The following XIRP2 variants were observed in gnomAD, a reference collection of about 807,000 sequenced individuals.
The protein encoded by XIRP2 is xin actin binding repeat containing 2.
XIRP2 carries 236 observed loss-of-function variants against 277.0 expected under a neutral mutation model. The ratio of observed to expected loss-of-function variants is 0.85; its 90% CI spans 0.77 to 0.95. The LOEUF is 0.95. Ranked by LOEUF, XIRP2 falls within the 40% of genes least tolerant of loss-of-function variation. The probability of loss-of-function intolerance (pLI) is 0.00; values close to 1 mark genes in which losing one functional copy is unlikely to be tolerated. For missense variants in XIRP2, 4,640 were observed against 4,157.5 expected (o/e 1.12, Z -3.19); for synonymous variants, 1,490 against 1,416.5 (o/e 1.05, Z -1.17).
rs139117266 is a variant in XIRP2, at chr2:167,259,087, C to G, written c.*1270C>G. 93 of 1,610,952 alleles carry G rather than the reference C, an allele frequency of 5.8e-5. No homozygotes were observed. The African/African-American group carries it at 9.0e-4, about 16-fold the overall frequency. On this transcript the variant is annotated 3_prime_UTR_variant, in exon 11 of 11. Coordinates refer to ENST00000409195, the MANE Select transcript of XIRP2 (RefSeq NM_152381.6). ...ACACCGTGAAAATCACTGCATTTTC[C>G]AAGAAAAATGAGAACATTTTCAATT...
intron 2 of XIRP2, among the ~76,000 whole-genome samples, chr2:167,009,672 G>T (rs6723250): frequency 0.33 from 50,237 of 151,574 alleles, 9,108 homozygotes; most frequent in African/African-American, 0.47. Flanking sequence ...CTAGTTTACA[G>T]TCCCACCAAC....
chr2:167,026,414 T>G (rs769020069), intron 2 of XIRP2, among the ~76,000 whole-genome samples: 27 of 152,266 alleles, frequency 1.8e-4, no homozygotes, highest in African/African-American at 4.6e-4. Context: ...TATCCAATTT[T>G]CCAGTCTGTG....
At position 167,258,695 on chromosome 2, in the gene XIRP2, T is replaced by C. The variant is rs775126408; in HGVS notation, c.*878T>C. Reference sequence around the variant, plus strand: ...TAATAACAATTATGTAGCAGTCTCATATCTGAATAATTGCAGGCAGAAGAC... The same window carrying C: ...TAATAACAATTATGTAGCAGTCTCACATCTGAATAATTGCAGGCAGAAGAC... On this transcript the variant is annotated 3_prime_UTR_variant, in exon 11 of 11. Transcript: ENST00000409195. 1.2e-6 allele frequency: 2 copies of C among 1,612,910 alleles called. No homozygotes were observed. The highest frequency in any genetic ancestry group is 1.7e-6 in the Non-Finnish European group (2 of 1,179,520).
chr2:166,939,538 G>T (rs900793395), intron 2 of XIRP2, among the ~76,000 whole-genome samples: 4 of 151,374 alleles, frequency 2.6e-5, no homozygotes, highest in Non-Finnish European at 5.9e-5. Flanking sequence ...AAATTAGCTG[G>T]GCGTGGTGGT....
At position 166,975,245 on chromosome 2, in the gene XIRP2, T is replaced by C. The variant is rs892607327; in HGVS notation, c.408+71355T>C. Among the ~76,000 whole-genome samples the C allele has an allele frequency of 2.0e-5, 3 of 152,218 alleles. No homozygotes were observed. The South Asian group carries it at 6.2e-4, about 32-fold the overall frequency. ...TCAAAAATTGGCAGAAAAATTAGAT[T>C]AAAAAATCAGTCAAGAATCAAAAAG... On this transcript the variant is annotated intron_variant, in intron 2 of 10. Transcript: ENST00000409195.
At position 167,246,752 on chromosome 2, in the gene XIRP2, G is replaced by T; in HGVS notation, c.5360G>T (p.Gly1787Val). Residue 1787 changes from glycine (G) to valine (V), a missense_variant, in exon 9 of 11, where the codon GGT becomes GTT. By Grantham distance (109) the Gly-to-Val change is moderately radical (BLOSUM62 -3). Transcript: ENST00000409195. ...EKEIIGGDVEGTKLLLKKRQS... is the reference protein window; with the variant it reads ...EKEIIGGDVEVTKLLLKKRQS... ...GAAATCATTGGTGGTGATGTTGAAGGTACAAAACTGTTACTGAAGAAAAGG... is the reference window on the plus strand; with the variant it reads ...GAAATCATTGGTGGTGATGTTGAAGTTACAAAACTGTTACTGAAGAAAAGG... 1 of 1,613,776 alleles carries T rather than the reference G, an allele frequency of 6.2e-7. No individual in the cohort carries two copies. The highest frequency in any genetic ancestry group is 8.5e-7 in the Non-Finnish European group (1 of 1,179,798).
chr2:167,145,409 T>C (rs1691834702), intron 3 of XIRP2, among the ~76,000 whole-genome samples: 1 of 152,138 alleles, frequency 6.6e-6, no homozygotes, highest in East Asian at 1.9e-4. Context: ...AAAGAAGTCA[T>C]TGGGAAAAAA....
chr2:166,948,673 A>G (rs1685947750), intron 2 of XIRP2, among the ~76,000 whole-genome samples: 1 of 152,080 alleles, frequency 6.6e-6, no homozygotes, highest in South Asian at 2.1e-4. Context: ...CAACTTTACT[A>G]CTACATCATG....
chr2:167,127,122 A>G (rs940562069), intron 2 of XIRP2, among the ~76,000 whole-genome samples: 1 of 152,010 alleles, frequency 6.6e-6, no homozygotes, highest in Admixed American at 6.6e-5. Flanking sequence ...AGATATTTTT[A>G]TTGCATTTTT....
At position 166,950,066 on chromosome 2, in the gene XIRP2, T is replaced by C. The variant is rs746904414; in HGVS notation, c.408+46176T>C. Among the ~76,000 whole-genome samples, 13 of 152,180 alleles carry C rather than the reference T, an allele frequency of 8.5e-5. No homozygotes were observed. The South Asian group carries it at 1.2e-3, about 15-fold the overall frequency. On this transcript the variant is annotated intron_variant, in intron 2 of 10. Transcript: ENST00000409195. ...ATGTCATCAGTATAAATAGTACTAG[T>C]GTAGTTAATTACATACAGATAGTTT... is the stretch of plus-strand genomic sequence containing the variant.
In XIRP2 at chr2:167,132,235, T is replaced by C. The variant is rs112964970; in HGVS notation, c.409-3674T>C. ...CTAACCCAGTCTGGAGTAGTGGCTC[T>C]TTACCAGCAGTGACTTTGCTCCCCA... is the stretch of plus-strand genomic sequence containing the variant. On this transcript the variant is annotated intron_variant, in intron 2 of 10. Coordinates refer to ENST00000409195, the MANE Select transcript of XIRP2 (RefSeq NM_152381.6). Among the ~76,000 whole-genome samples, 64 of 152,248 alleles carry C rather than the reference T, an allele frequency of 4.2e-4. 1 individual carries two copies. Among genetic ancestry groups the C allele is most frequent in the African/African-American group, 1.4e-3 (58 of 41,538 alleles).
Position 167,250,637 on chromosome 2 carries a change from A to G in XIRP2, c.9245A>G (p.His3082Arg). The G allele has an allele frequency of 6.2e-7, 1 of 1,613,576 alleles. No homozygotes were observed. Among genetic ancestry groups the G allele is most frequent in the Non-Finnish European group, 8.5e-7 (1 of 1,179,712 alleles). Reference protein sequence around the residue: ...NKIAKEKTVQHQVAAHHEATV... With the variant: ...NKIAKEKTVQRQVAAHHEATV... ...ATTGCCAAAGAGAAAACAGTACAGC[A>G]CCAAGTAGCAGCTCATCATGAAGCA... The change falls in exon 9 of 11, where the codon CAC becomes CGC. Residue 3082 changes from histidine to arginine, a missense_variant. Physicochemically the swap from His to Arg is conservative, Grantham distance 29. Transcript: ENST00000409195.
intron 2 of XIRP2, among the ~76,000 whole-genome samples, chr2:166,934,195 C>CAAAAA (rs750753001): frequency 1.4e-3 from 102 of 71,416 alleles, no homozygotes; most frequent in Middle Eastern, 0.02. Flanking sequence ...AAATCAACAG[C>CAAAAA]AAAAAAAAAA....
chr2:167,249,084 G>C lies in XIRP2; in HGVS notation c.7692G>C (p.Glu2564Asp). ...QKEEIEKQKQESSYYNIVKTQ... is the reference protein window; with the variant it reads ...QKEEIEKQKQDSSYYNIVKTQ... ...AAGAAATTGAAAAACAGAAACAGGA[G>C]AGTTCTTACTACAACATTGTTAAAA... The change falls in exon 9 of 11, where the codon GAG becomes GAC. Residue 2564 changes from glutamate to aspartate, a missense_variant. By Grantham distance (45) the Glu-to-Asp change is conservative. Coordinates refer to ENST00000409195, the MANE Select transcript of XIRP2 (RefSeq NM_152381.6). 1 of 1,613,462 alleles carries C rather than the reference G, an allele frequency of 6.2e-7. No homozygotes were observed. Among genetic ancestry groups the C allele is most frequent in the Admixed American group, 1.7e-5 (1 of 59,940 alleles).
In XIRP2 at chr2:167,251,910, G is replaced by A. The variant is rs1695521323; in HGVS notation, c.10518G>A (p.Met3506Ile). ...YATADASATE[M>I]RTTFQEESAF... ...CCGCAGATGCTTCTGCAACTGAGAT[G>A]AGAACCACCTTCCAAGAGGAATCTG... is the stretch of plus-strand genomic sequence containing the variant. Residue 3506 changes from methionine (M) to isoleucine (I), a missense_variant, in exon 9 of 11, where the codon ATG (methionine) becomes ATA (isoleucine). By Grantham distance (10) the Met-to-Ile change is conservative. Transcript: ENST00000409195. 1 of 1,581,300 alleles carries A rather than the reference G, an allele frequency of 6.3e-7. No individual in the cohort carries two copies. Among genetic ancestry groups the A allele is most frequent in the Non-Finnish European group, 8.6e-7 (1 of 1,167,982 alleles).
intron 2 of XIRP2, among the ~76,000 whole-genome samples, chr2:167,109,739 C>T (rs1690703596): frequency 6.6e-6 from 1 of 151,926 alleles, no homozygotes; most frequent in Admixed American, 6.6e-5. Flanking sequence ...AATGGGATTG[C>T]TGGGAAAGCC....
In XIRP2 at chr2:167,242,668, A is replaced by T; in HGVS notation, c.1276A>T (p.Thr426Ser). The change falls in exon 9 of 11, where the codon ACA (threonine) becomes TCA (serine). Residue 426 changes from threonine to serine, a missense_variant. Physicochemically the swap from Thr to Ser is moderately conservative, Grantham distance 58. Coordinates refer to ENST00000409195, the MANE Select transcript of XIRP2 (RefSeq NM_152381.6). ...STSQRKETSTTRYSDHSVTSS... is the reference protein window; with the variant it reads ...STSQRKETSTSRYSDHSVTSS... ...CAGCCAGAGGAAGGAAACATCAACT[A>T]CAAGATATAGTGATCACAGTGTCAC... is the stretch of plus-strand genomic sequence containing the variant. The T allele has an allele frequency of 6.2e-7, 1 of 1,614,148 alleles. No individual in the cohort carries two copies. The highest frequency in any genetic ancestry group is 8.5e-7 in the Non-Finnish European group (1 of 1,179,998).
At chr2:167,209,116 C>T (rs1573959986) in intron 3 of XIRP2, among the ~76,000 whole-genome samples, 1 of 152,156 alleles carries the variant, frequency 6.6e-6, no homozygotes, top group African/African-American at 2.4e-5. Context: ...TAAACATAAT[C>T]AACATTGTAC....
At chr2:167,101,685 C>G (rs914261360) in intron 2 of XIRP2, among the ~76,000 whole-genome samples, 15 of 152,170 alleles carry the variant, frequency 9.9e-5, no homozygotes, top group African/African-American at 3.4e-4. Context: ...TACATATATA[C>G]TTTTATATGC....
Sources: gnomAD v4.1 joint callset for allele counts (sites outside exome capture counted in the v4.1 genomes callset) on GRCh38, gnomAD v4.1.1 for gene constraint, MANE v1.5 for transcripts, NCBI Gene and HGNC (gene_info 2026-07-23, HGNC 2026-07-21) for gene names.